STK3: variants seen among roughly 807,000 people sequenced by gnomAD.
STK3 encodes the protein serine/threonine kinase 3.
A neutral mutation model predicts 58.0 loss-of-function variants in STK3; 41 were observed. That is an observed-to-expected ratio of 0.71 (90% CI 0.55 to 0.92). STK3 has a LOEUF of 0.92. Among genes scored for constraint, STK3 ranks in the 40% least tolerant of loss-of-function variants. The pLI, the probability that STK3 is intolerant of heterozygous loss-of-function variation, is 0.00. For missense variants in STK3, 479 were observed against 602.7 expected (o/e 0.79, Z 2.15); for synonymous variants, 170 against 191.0 (o/e 0.89, Z 0.91).
intron 6 of STK3, among the ~76,000 whole-genome samples, chr8:98,644,580 T>A (rs1820262616): frequency 6.6e-6 from 1 of 152,172 alleles, no homozygotes; most frequent in African/African-American, 2.4e-5. Context: ...AATCACATCA[T>A]AACTTAAGCT....
chr8:98,503,945 C>T (rs1196523991), intron 10 of STK3, among the ~76,000 whole-genome samples: 1 of 151,876 alleles, frequency 6.6e-6, no homozygotes. Context: ...GAGTTCAAGT[C>T]CTGGATATCC....
At chr8:98,921,379 T>A (rs184547703) in intron 1 of STK3, 1 of 152,436 alleles carries the variant, frequency 6.6e-6, no homozygotes, top group Admixed American at 6.5e-5. Flanking sequence ...CGAAGGCCGG[T>A]CCTCCTCTGT....
At chr8:98,817,051 A>G (rs1488107378) in intron 1 of STK3, among the ~76,000 whole-genome samples, 2 of 152,116 alleles carry the variant, frequency 1.3e-5, no homozygotes, top group Non-Finnish European at 2.9e-5. Context: ...CAATAAAAAG[A>G]TTTTTTTTAA....
At chr8:98,433,290 CCCCAACCTGT>C (rs753400245) in intron 3 of STK3, among the ~76,000 whole-genome samples, 2 of 152,304 alleles carry the variant, frequency 1.3e-5, no homozygotes, top group East Asian at 3.9e-4. Flanking sequence ...GCCCTGCCAG[CCCCAACCTGT>C]CCCAAAGTAC....
intron 1 of STK3, among the ~76,000 whole-genome samples, chr8:98,916,122 A>G (rs1839338959): frequency 6.6e-6 from 1 of 152,208 alleles, no homozygotes; most frequent in Non-Finnish European, 1.5e-5. Flanking sequence ...GTTTAAAAAA[A>G]TACGAAAACT....
At chr8:98,708,945 G>C (rs1369291603) in intron 4 of STK3, among the ~76,000 whole-genome samples, 2 of 151,534 alleles carry the variant, frequency 1.3e-5, no homozygotes, top group African/African-American at 2.4e-5. Flanking sequence ...GATGGGAGCT[G>C]GTTGCCGAAA....
At chr8:98,874,605 G>A (rs985431002) in intron 3 of STK3, among the ~76,000 whole-genome samples, 1 of 151,552 alleles carries the variant, frequency 6.6e-6, no homozygotes, top group African/African-American at 2.4e-5. Flanking sequence ...ATATATATAT[G>A]TGCTATCCAT....
intron 6 of STK3, among the ~76,000 whole-genome samples, chr8:98,690,703 A>T (rs1433506520): frequency 6.6e-6 from 1 of 152,198 alleles, no homozygotes. Context: ...ACTATTCCAA[A>T]ATTTATATGG....
At chr8:98,606,156 G>C (rs1005351430) in intron 6 of STK3, 2 of 152,186 alleles carry the variant, frequency 1.3e-5, no homozygotes, top group African/African-American at 4.8e-5. Context: ...TGAAGAAGCT[G>C]TTATCTCCAT....
At chr8:98,642,637 A>C (rs1274501850) in intron 6 of STK3, among the ~76,000 whole-genome samples, 1 of 152,016 alleles carries the variant, frequency 6.6e-6, no homozygotes. Flanking sequence ...ATAGCTGCCC[A>C]CTCCCATAAA....
At chr8:98,528,047 A>T (rs1475268587) in intron 9 of STK3, among the ~76,000 whole-genome samples, 1 of 152,198 alleles carries the variant, frequency 6.6e-6, no homozygotes, top group Non-Finnish European at 1.5e-5. Context: ...CAAACTGATT[A>T]TTAGGTCTTT....
chr8:98,661,588 C>G (rs1023813476), intron 6 of STK3, among the ~76,000 whole-genome samples: 2 of 152,066 alleles, frequency 1.3e-5, no homozygotes, highest in Non-Finnish European at 2.9e-5. Flanking sequence ...TCCCACCATT[C>G]TGCTCAAAAT....
chr8:98,562,736 T>TG (rs1812150564), intron 8 of STK3, among the ~76,000 whole-genome samples: 1 of 11,312 alleles, frequency 8.8e-5, no homozygotes, highest in Non-Finnish European at 1.9e-4. Context: ...CCACAAAAAA[T>TG]GAAAAAAAAA....
chr8:98,512,501 T>C (rs1824596712), intron 10 of STK3, among the ~76,000 whole-genome samples: 1 of 152,218 alleles, frequency 6.6e-6, no homozygotes, highest in Non-Finnish European at 1.5e-5. Context: ...ATAAACAATA[T>C]GTGCCACATG....
intron 8 of STK3, among the ~76,000 whole-genome samples, chr8:98,558,067 C>T (rs1329329694): frequency 4.6e-5 from 7 of 152,062 alleles, no homozygotes; most frequent in Non-Finnish European, 8.8e-5. Context: ...GTAAAAGCAA[C>T]CTTAACCGTG....
intron 6 of STK3, chr8:98,651,641 CT>C (rs2130710299): frequency 6.6e-6 from 1 of 152,236 alleles, no homozygotes; most frequent in Admixed American, 6.5e-5. Flanking sequence ...TAGAGAAGTG[CT>C]TAAAGGAGCT....
intron 2 of STK3, among the ~76,000 whole-genome samples, chr8:98,769,296 T>C (rs1035152789): frequency 1.1e-4 from 16 of 152,340 alleles, no homozygotes; most frequent in African/African-American, 3.8e-4. Flanking sequence ...TTCCCACCTG[T>C]TGTGGTAGGG....
intron 1 of STK3, among the ~76,000 whole-genome samples, chr8:98,893,952 T>TAGTC (rs1838356896): frequency 1.3e-5 from 2 of 152,226 alleles, no homozygotes; most frequent in Non-Finnish European, 2.9e-5. Flanking sequence ...TTCATGTATT[T>TAGTC]TCCTCCCCAA....
At position 98,825,611 on chromosome 8, in the gene STK3, G is replaced by C. The variant is rs1186864031; in HGVS notation, c.-71C>G. 1.5e-6 allele frequency: 2 copies of C among 1,360,498 alleles called. No individual in the cohort carries two copies. The highest frequency in any genetic ancestry group is 3.1e-5 in the African/African-American group (2 of 64,412). The allele number at this position is 1,360,498 out of a possible 1,614,324, so 84.3% of individuals were successfully genotyped here. On this transcript the variant is annotated 5_prime_UTR_variant, in exon 1 of 11. Transcript: ENST00000419617. ...AAAGGAGGAAAGGAGCCGGGGCACC[G>C]GCCGGCCGAGCCTAGGGCACCACAG...
Sources: allele counts gnomAD v4.1 joint callset (sites outside exome capture counted in the v4.1 genomes callset), GRCh38; gene constraint gnomAD v4.1.1; transcripts MANE v1.5; gene names NCBI Gene and HGNC (gene_info 2026-07-23, HGNC 2026-07-21).